The following FLT4 variants were observed in gnomAD, a reference collection of about 807,000 sequenced individuals.
FLT4 encodes the protein vascular endothelial growth factor receptor 3.
Under a neutral mutation model 163.2 loss-of-function variants are expected in FLT4, and 30 were observed. The observed-to-expected ratio is 0.18, with a 90% CI of 0.14 to 0.25. The LOEUF is 0.25. FLT4 is among the 10% of genes least tolerant of loss of function. FLT4 has a pLI of 1.00. For synonymous variants in FLT4, 884 were observed against 789.5 expected (o/e 1.12, Z -2.01); for missense variants, 1,510 against 1,863.8 (o/e 0.81, Z 3.50).
At chr5:180,629,039 C>A (rs1240156222) in intron 7 of FLT4, 40 bp from the exon 8 acceptor site, 2 of 1,555,546 alleles carry the variant, frequency 1.3e-6, no homozygotes, top group African/African-American at 1.4e-5. Context: ...CAGGACTGAC[C>A]CGTCGTGGAC....
Position 180,612,486 on chromosome 5 carries a change from A to G in FLT4, c.3537+20T>C, listed in dbSNP as rs901721934. 7 of 1,576,490 alleles carry G rather than the reference A, an allele frequency of 4.4e-6. No individual in the cohort carries two copies. Among genetic ancestry groups the G allele is most frequent in the Admixed American group, 1.7e-5 (1 of 59,988 alleles). On this transcript the variant is annotated intron_variant, in intron 26 of 29. Transcript: ENST00000261937. ...CAGGGGCCAAAGGCCATAGTAGAAC[A>G]GGGTGGGGAAGGGGCTCACTTGCAG...
chr5:180,625,739 T>C (rs1424553636), intron 10 of FLT4, 130 bp downstream of exon 10: 4 of 868,530 alleles, frequency 4.6e-6, no homozygotes. Flanking sequence ...AGGGTTCAAG[T>C]TCAGAGCAGG....
chr5:180,621,502 G>T, intron 13 of FLT4, 40 bp downstream of exon 13: 1 of 1,605,278 alleles, frequency 6.2e-7, no homozygotes, highest in Middle Eastern at 1.9e-4. Context: ...GCTACTGCTA[G>T]AAGAGAGCGC....
At position 180,620,739 on chromosome 5, in the gene FLT4, C is replaced by CGTGTGTGT. The variant is rs57822329; in HGVS notation, c.2300-32_2300-25dup. ...GCCTGCGTGGGCAGAAAGGGGCCGG[C>CGTGTGTGT]GTGTGTGTGTGTGTGTGTAAGAGCG... On this transcript the variant is annotated intron_variant, in intron 15 of 29. Transcript: ENST00000261937. The surrounding 1 kb of genome is among the most constrained non-coding windows in gnomAD (Gnocchi z 4.4). The CGTGTGTGT allele has an allele frequency of 5.3e-5, 81 of 1,533,894 alleles. No individual in the cohort carries two copies. Among genetic ancestry groups the CGTGTGTGT allele is most frequent in the East Asian group, 1.6e-4 (7 of 42,994 alleles).
At chr5:180,606,682 G>C (rs1476044737) in intron 29 of FLT4, among the ~76,000 whole-genome samples, 1 of 152,178 alleles carries the variant, frequency 6.6e-6, no homozygotes, top group Non-Finnish European at 1.5e-5. Context: ...ATGTCGAAAT[G>C]CTGTTTGGTG....
chr5:180,640,597 A>G (rs1002514660), intron 1 of FLT4, among the ~76,000 whole-genome samples: 4 of 152,250 alleles, frequency 2.6e-5, no homozygotes, highest in African/African-American at 9.6e-5. Context: ...GGCTGAGGGC[A>G]AAGCCCTTTA....
At chr5:180,609,752 G>T (rs2127788473) in intron 28 of FLT4, 153 bp downstream of exon 28, 2 of 885,210 alleles carry the variant, frequency 2.3e-6, no homozygotes, top group Non-Finnish European at 3.7e-6. Flanking sequence ...TCGCAGGAGG[G>T]CCCAAATGTG....
chr5:180,629,760 T>G lies in FLT4; in HGVS notation c.752A>C (p.Asn251Thr). The change falls in exon 6 of 30, where the codon AAC becomes ACC. Residue 251 changes from asparagine to threonine, a missense_variant. This residue lies in a region of FLT4 where 163 missense variants were observed against 281.1 expected (regional missense o/e 0.58). Transcript: ENST00000261937. ...ELLVGEKLVL[N>T]CTVWAEFNSG... ...GTTAAACTCAGCCCACACGGTGCAG[T>G]TCAGGACCAGCTTCTCCCCTACCAG... 6.2e-7 allele frequency: 1 copy of G among 1,612,380 alleles called. No individual in the cohort carries two copies. The highest frequency in any genetic ancestry group is 8.5e-7 in the Non-Finnish European group (1 of 1,179,818).
chr5:180,619,722 C>T lies in FLT4; in HGVS notation c.2590G>A (p.Ala864Thr), dbSNP rs768562688. The T allele has an allele frequency of 2.5e-6, 4 of 1,612,652 alleles. No homozygotes were observed. Among genetic ancestry groups the T allele is most frequent in the East Asian group, 2.2e-5 (1 of 44,874 alleles). Reference sequence around the variant, plus strand: ...CTGCTGCCCTTGTGGATGCCGAAAGCGGAGGCTTCCACCACCTTCCCGAAG... The same window carrying T: ...CTGCTGCCCTTGTGGATGCCGAAAGTGGAGGCTTCCACCACCTTCCCGAAG... ...GAFGKVVEASAFGIHKGSSCD... is the reference protein window; with the variant it reads ...GAFGKVVEASTFGIHKGSSCD... Residue 864 changes from alanine to threonine, a missense_variant, in exon 18 of 30, where the codon GCT (alanine) becomes ACT (threonine). Physicochemically the swap from Ala to Thr is moderately conservative, Grantham distance 58. Coordinates refer to ENST00000261937, the MANE Select transcript of FLT4 (RefSeq NM_182925.5).
intron 29 of FLT4, 71 bp from the exon 30 acceptor site, chr5:180,603,461 C>T (rs1395199038): frequency 2.1e-6 from 3 of 1,439,768 alleles, no homozygotes; most frequent in Non-Finnish European, 2.9e-6. Context: ...ACTGGTAATC[C>T]CAGTACTTGG....
In FLT4 at chr5:180,612,489, GT is replaced by G; in HGVS notation, c.3537+16del. On this transcript the variant is annotated intron_variant, in intron 26 of 29. Coordinates refer to ENST00000261937, the MANE Select transcript of FLT4 (RefSeq NM_182925.5). The stretch of plus-strand genomic sequence containing the variant: ...GGGCCAAAGGCCATAGTAGAACAGG[GT>G]GGGGAAGGGGCTCACTTGCAGGCCC... 6.3e-7 allele frequency: 1 copy of G among 1,585,282 alleles called. No individual in the cohort carries two copies. Among genetic ancestry groups the G allele is most frequent in the East Asian group, 2.2e-5 (1 of 44,754 alleles).
At chr5:180,640,443 T>C (rs1215526639) in intron 1 of FLT4, among the ~76,000 whole-genome samples, 1 of 152,142 alleles carries the variant, frequency 6.6e-6, no homozygotes, top group Admixed American at 6.5e-5. Context: ...GCCTTCCTCC[T>C]AGCCCCTAGC....
intron 21 of FLT4, among the ~76,000 whole-genome samples, chr5:180,617,962 G>A (rs112342735): frequency 0.2 from 1,144 of 5,746 alleles, no homozygotes; most frequent in Middle Eastern, 0.5. Flanking sequence ...CAGCCTCTGG[G>A]ACACCCACAT....
In FLT4 at chr5:180,618,741, T is replaced by C. The variant is rs371400555; in HGVS notation, c.3001+29A>G. On this transcript the variant is annotated intron_variant, in intron 21 of 29. Coordinates refer to ENST00000261937, the MANE Select transcript of FLT4 (RefSeq NM_182925.5). Reference sequence around the variant, plus strand: ...GGATATAACCGGGCCCGTCAGGCACTAGGAAAAGGGAAGAGGCCAGGCTCT... The same window carrying C: ...GGATATAACCGGGCCCGTCAGGCACCAGGAAAAGGGAAGAGGCCAGGCTCT... 2.1e-5 allele frequency: 33 copies of C among 1,576,034 alleles called. No homozygotes were observed. In the African/African-American group the frequency reaches 4.2e-4, roughly 20 times the overall value.
rs1385150739 is a variant in FLT4, at chr5:180,636,551, T to TC, written c.59-4774dup. Among the ~76,000 whole-genome samples the TC allele has an allele frequency of 2.5e-5, 3 of 118,862 alleles. No individual in the cohort carries two copies. Among genetic ancestry groups the TC allele is most frequent in the Admixed American group, 9.7e-5 (1 of 10,336 alleles). 78.0% of individuals were successfully genotyped at this position (118,862 alleles called of 152,430 possible). On this transcript the variant is annotated intron_variant, in intron 1 of 29. Coordinates refer to ENST00000261937, the MANE Select transcript of FLT4 (RefSeq NM_182925.5). The surrounding 1 kb of genome is among the most constrained non-coding windows in gnomAD (Gnocchi z 4.3). Reference sequence around the variant, plus strand: ...GCTGACCGTAGCTCCTGGCTCACCATCCCCCCCACCCCAGCTCCTGCCCTT... The same window carrying TC: ...GCTGACCGTAGCTCCTGGCTCACCATCCCCCCCCACCCCAGCTCCTGCCCTT...
At chr5:180,614,324 A>ACGGAGGGAAGCGTGTCCCGCGGTG (rs1554110187) in intron 23 of FLT4, 145 bp from the exon 24 acceptor site, 1 of 605,654 alleles carries the variant, frequency 1.7e-6, no homozygotes, top group African/African-American at 1.8e-5. Context: ...GGATGGGAAG[A>ACGGAGGGAAGCGTGTCCCGCGGTG]GAGGGCTGAG....
rs1361721438 is a variant in FLT4, at chr5:180,620,112, C to T, written c.2542+61G>A. ...TGAAAATGGAGGGATTCAGGCACTC[C>T]GGCCTGCAGCAGGTGGGTCGGGCAG... is the stretch of plus-strand genomic sequence containing the variant. On this transcript the variant is annotated intron_variant, in intron 17 of 29. Coordinates refer to ENST00000261937, the MANE Select transcript of FLT4 (RefSeq NM_182925.5). This position sits in a 1 kb window ranked among gnomAD's most constrained non-coding sequence, Gnocchi z 4.4. The T allele has an allele frequency of 5.1e-6, 8 of 1,569,928 alleles. No homozygotes were observed. The highest frequency in any genetic ancestry group is 3.5e-5 in the Admixed American group (2 of 57,930).
chr5:180,634,919 T>G (rs1764462786), intron 1 of FLT4, among the ~76,000 whole-genome samples: 1 of 31,246 alleles, frequency 3.2e-5, no homozygotes, highest in Non-Finnish European at 6.5e-5. Flanking sequence ...TATGGGTGGA[T>G]GGGTGGGTGG....
intron 1 of FLT4, among the ~76,000 whole-genome samples, chr5:180,632,746 T>C (rs557264540): frequency 2.0e-5 from 3 of 152,160 alleles, no homozygotes; most frequent in Admixed American, 2.0e-4. Flanking sequence ...CAAACATGCA[T>C]GCATGTTTGT....
Sources: gnomAD v4.1 joint callset for allele counts (sites outside exome capture counted in the v4.1 genomes callset) on GRCh38, gnomAD v4.1.1 for gene constraint, gnomAD v4.1.1 regional missense constraint, Gnocchi (gnomAD v3.1) non-coding constraint, MANE v1.5 for transcripts, NCBI Gene and HGNC (gene_info 2026-07-23, HGNC 2026-07-21) for gene names.